INPP4B: variants seen among roughly 807,000 people sequenced by gnomAD.
INPP4B encodes inositol polyphosphate-4-phosphatase type II B.
Under a neutral mutation model 122.5 loss-of-function variants are expected in INPP4B, and 55 were observed. The observed-to-expected ratio is 0.45, with a 90% CI of 0.36 to 0.56. INPP4B has a LOEUF of 0.56. Among genes scored for constraint, INPP4B ranks in the 20% least tolerant of loss-of-function variants. INPP4B has a pLI of 0.00. For synonymous variants in INPP4B, 403 were observed against 388.7 expected, an observed-to-expected ratio of 1.04 and a Z score of -0.43; for missense variants, 1,000 against 1,097.7, an observed-to-expected ratio of 0.91 and a Z score of 1.26.
At position 142,539,432 on chromosome 4, in the gene INPP4B, C is replaced by A. The variant is rs552719608; in HGVS notation, c.-190-76706G>T. Among the ~76,000 whole-genome samples, 51 of 152,164 alleles carry A rather than the reference C, an allele frequency of 3.4e-4. No individual in the cohort carries two copies. The South Asian group carries it at 0.011, about 32-fold the overall frequency. On this transcript the variant is annotated intron_variant, in intron 2 of 25. Transcript: ENST00000262992. ...TGGAAGTCACATTACTTGAGCTCAA[C>A]TGCATTGACTTATTGAACTGACCAC...
chr4:142,316,607 C>T (rs1361189046), intron 7 of INPP4B, among the ~76,000 whole-genome samples: 9 of 151,950 alleles, frequency 5.9e-5, no homozygotes, highest in Non-Finnish European at 1.0e-4. Context: ...AAAAAATTGA[C>T]AGCCAAATAA....
rs70949188 is a variant in INPP4B at position 142,759,825 on chromosome 4, T to TAAAAAAAAAAAAAAAA, written c.-253-33940_-253-33925dup. ...CCCAGAGCTTATATAGAGCTTTTTCTAAAAAAAAAAAAAAAAAAAAAAAAA... is the reference window on the plus strand; with the variant it reads ...CCCAGAGCTTATATAGAGCTTTTTCTAAAAAAAAAAAAAAAAAAAAAAAAAAAAAAAAAAAAAAAAA... On this transcript the variant is annotated intron_variant, in intron 1 of 25. Coordinates refer to ENST00000262992, the MANE Select transcript of INPP4B (RefSeq NM_001101669.3). Among the ~76,000 whole-genome samples the TAAAAAAAAAAAAAAAA allele has an allele frequency of 2.0e-3, 139 of 70,030 alleles. 2 individuals are homozygous for TAAAAAAAAAAAAAAAA. Among genetic ancestry groups the TAAAAAAAAAAAAAAAA allele is most frequent in the African/African-American group, 3.6e-3 (65 of 17,888 alleles). The allele number at this position is 70,030 out of a possible 152,430, so 45.9% of individuals were successfully genotyped here.
chr4:142,270,813 T>G, intron 9 of INPP4B, 39 bp from the exon 10 acceptor site: 1 of 1,336,226 alleles, frequency 7.5e-7, no homozygotes, highest in Non-Finnish European at 1.1e-6. Flanking sequence ...GGTAAGAAGC[T>G]TCTCTCTCCC....
At chr4:142,307,773 C>T (rs1017664494) in intron 8 of INPP4B, among the ~76,000 whole-genome samples, 3 of 152,082 alleles carry the variant, frequency 2.0e-5, no homozygotes, top group Non-Finnish European at 4.4e-5. Flanking sequence ...TCAAAGAAAA[C>T]TTTTAAGCAA....
At chr4:142,192,277 T>G (rs2636661) in intron 15 of INPP4B, among the ~76,000 whole-genome samples, 1 of 138,716 alleles carries the variant, frequency 7.2e-6, no homozygotes, top group Non-Finnish European at 1.5e-5. Context: ...CAATTCACCA[T>G]GGTTAAAAAA....
chr4:142,355,069 GCTCT>G (rs1783130737), intron 7 of INPP4B, among the ~76,000 whole-genome samples: 1 of 151,890 alleles, frequency 6.6e-6, no homozygotes, highest in Admixed American at 6.6e-5. Context: ...AAACTGCGAA[GCTCT>G]CTCTCTGTGC....
chr4:142,172,220 A>T (rs1221499566), intron 16 of INPP4B, among the ~76,000 whole-genome samples: 1 of 151,968 alleles, frequency 6.6e-6, no homozygotes, highest in African/African-American at 2.4e-5. Flanking sequence ...CGCTAAAAAG[A>T]ACTTCCATTC....
rs552066849 is a variant in INPP4B, at chr4:142,336,638, T to A, written c.373-21876A>T. 9.8e-5 allele frequency among the ~76,000 whole-genome samples: 15 copies of A among 152,334 alleles called. 1 individual carries two copies. The South Asian group carries it at 3.1e-3, about 32-fold the overall frequency. On this transcript the variant is annotated intron_variant, in intron 7 of 25. Coordinates refer to ENST00000262992, the MANE Select transcript of INPP4B (RefSeq NM_001101669.3). ...GCTGGAATCTCTTGAGTTTTGGGCATGGCTGTGATTCCCCTCCTCGTCCAG... is the reference window on the plus strand; with the variant it reads ...GCTGGAATCTCTTGAGTTTTGGGCAAGGCTGTGATTCCCCTCCTCGTCCAG...
chr4:142,826,047 C>T (rs898999999), intron 1 of INPP4B, among the ~76,000 whole-genome samples: 2 of 151,872 alleles, frequency 1.3e-5, no homozygotes, highest in Non-Finnish European at 2.9e-5. Flanking sequence ...TTTGTGTTGT[C>T]GCATCGCCAT....
intron 2 of INPP4B, among the ~76,000 whole-genome samples, chr4:142,470,689 C>T (rs911653185): frequency 8.1e-4 from 124 of 152,148 alleles, no homozygotes; most frequent in Non-Finnish European, 5.4e-4. Flanking sequence ...ATAAATATGT[C>T]GAATGTTGAA....
chr4:142,592,562 T>C lies in INPP4B; in HGVS notation c.-190-129836A>G, dbSNP rs185430777. Among the ~76,000 whole-genome samples the C allele has an allele frequency of 5.7e-3, 864 of 152,328 alleles. 10 individuals carry two copies. The highest frequency in any genetic ancestry group is 8.3e-3 in the Non-Finnish European group (565 of 68,032). ...ATAAACACATTTAAGTAAATGAGTG[T>C]ATATTAAGTTTTCTTCTTTCTATTT... is the stretch of plus-strand genomic sequence containing the variant. On this transcript the variant is annotated intron_variant, in intron 2 of 25. Coordinates refer to ENST00000262992, the MANE Select transcript of INPP4B (RefSeq NM_001101669.3).
intron 2 of INPP4B, among the ~76,000 whole-genome samples, chr4:142,523,598 T>A (rs1285644449): frequency 6.6e-6 from 1 of 152,134 alleles, no homozygotes; most frequent in South Asian, 2.1e-4. Flanking sequence ...ACAATGTCCC[T>A]CCTGCATTGC....
At chr4:142,643,690 G>C (rs1751061809) in intron 2 of INPP4B, among the ~76,000 whole-genome samples, 1 of 152,090 alleles carries the variant, frequency 6.6e-6, no homozygotes, top group Admixed American at 6.6e-5. Context: ...AGCCATATTT[G>C]CCTGTACCTT....
intron 2 of INPP4B, among the ~76,000 whole-genome samples, chr4:142,646,839 G>C (rs1751895090): frequency 6.6e-6 from 1 of 152,164 alleles, no homozygotes; most frequent in Non-Finnish European, 1.5e-5. Context: ...GGGTGCTCTT[G>C]AGAAGTTTGG....
At chr4:142,795,919 TTAATAAG>T (rs1467530680) in intron 1 of INPP4B, among the ~76,000 whole-genome samples, 2 of 152,028 alleles carry the variant, frequency 1.3e-5, no homozygotes, top group Non-Finnish European at 2.9e-5. Context: ...CTGTGTCAAT[TTAATAAG>T]CCTCCTATAT....
At chr4:142,188,269 C>T (rs910912848) in intron 15 of INPP4B, among the ~76,000 whole-genome samples, 2 of 151,318 alleles carry the variant, frequency 1.3e-5, no homozygotes, top group Admixed American at 6.6e-5. Flanking sequence ...GGGTGGATTA[C>T]GAGGTCAGCA....
chr4:142,037,759 A>G (rs1272639154), intron 25 of INPP4B, among the ~76,000 whole-genome samples: 1 of 152,136 alleles, frequency 6.6e-6, no homozygotes, highest in Non-Finnish European at 1.5e-5. Flanking sequence ...CAGGCCCTAG[A>G]CTGTTGAATT....
intron 5 of INPP4B, among the ~76,000 whole-genome samples, chr4:142,421,529 A>T (rs1464504170): frequency 1.3e-5 from 2 of 152,154 alleles, no homozygotes; most frequent in Non-Finnish European, 2.9e-5. Flanking sequence ...TTTTAAAATG[A>T]GTCTCTGATA....
At chr4:142,831,936 AC>A (rs1246660697) in intron 1 of INPP4B, among the ~76,000 whole-genome samples, 1 of 152,218 alleles carries the variant, frequency 6.6e-6, no homozygotes, top group Non-Finnish European at 1.5e-5. Flanking sequence ...TAGCTATGGT[AC>A]AAATAAACCT....
Sources: allele counts gnomAD v4.1 joint callset (sites outside exome capture counted in the v4.1 genomes callset), GRCh38; gene constraint gnomAD v4.1.1; transcripts MANE v1.5; gene names NCBI Gene and HGNC (gene_info 2026-07-23, HGNC 2026-07-21).